CCDC7: variants seen among roughly 807,000 people sequenced by gnomAD.
The protein encoded by CCDC7 is coiled-coil domain containing 7.
A neutral mutation model predicts 196.9 loss-of-function variants in CCDC7; 183 were observed. That is an observed-to-expected ratio of 0.93 (90% CI 0.82 to 1.05). CCDC7 has a LOEUF of 1.05. CCDC7 is among the 50% of genes least tolerant of loss of function. CCDC7 has a pLI of 0.00. For missense variants in CCDC7, 1,540 were observed against 1,482.2 expected (o/e 1.04, Z -0.64); for synonymous variants, 525 against 484.6 (o/e 1.08, Z -1.10).
At chr10:32,819,335 C>T (rs1246246429) in intron 31 of CCDC7, among the ~76,000 whole-genome samples, 1 of 152,052 alleles carries the variant, frequency 6.6e-6, no homozygotes, top group Non-Finnish European at 1.5e-5. Context: ...AGCTTACCAA[C>T]CAAAAAAAGT....
At chr10:32,527,143 T>C (rs991788371) in intron 11 of CCDC7, among the ~76,000 whole-genome samples, 1 of 152,100 alleles carries the variant, frequency 6.6e-6, no homozygotes, top group African/African-American at 2.4e-5. Flanking sequence ...CCTCCATGTG[T>C]GGGTGCTGGC....
Position 32,752,298 on chromosome 10 carries a change from G to A in CCDC7, c.2905+22841G>A, listed in dbSNP as rs991025953. Among the ~76,000 whole-genome samples the A allele has an allele frequency of 5.9e-5, 9 of 152,140 alleles. No individual in the cohort carries two copies. In the South Asian group the frequency reaches 1.7e-3, roughly 28 times the overall value. On this transcript the variant is annotated intron_variant, in intron 28 of 41. Coordinates refer to ENST00000639629, the Ensembl canonical transcript of CCDC7. ...TCCTATGCACATTTACATGGGGGAT[G>A]GATAACTTTATACACTATCATCCTA... is the stretch of plus-strand genomic sequence containing the variant.
intron 30 of CCDC7, among the ~76,000 whole-genome samples, chr10:32,811,239 A>G (rs1048369149): frequency 5.3e-5 from 8 of 152,076 alleles, no homozygotes; most frequent in African/African-American, 1.9e-4. Context: ...AAAAAGATGA[A>G]ATTAATAAAC....
chr10:32,845,114 T>C (rs2093204413), intron 33 of CCDC7, 129 bp from the exon 35 acceptor site: 1 of 514,624 alleles, frequency 1.9e-6, no homozygotes, highest in Non-Finnish European at 3.4e-6. Context: ...ATGACAATAG[T>C]ACCAATATGT....
chr10:32,505,366 G>T (rs963288714), intron 9 of CCDC7, among the ~76,000 whole-genome samples: 1 of 152,004 alleles, frequency 6.6e-6, no homozygotes, highest in African/African-American at 2.4e-5. Flanking sequence ...CTTGAGATTA[G>T]GGAGTGGTGA....
At chr10:32,444,207 T>C (rs1356004299), upstream of CCDC7, among the ~76,000 whole-genome samples, 2 of 152,226 alleles carry the variant, frequency 1.3e-5, no homozygotes, top group Non-Finnish European at 2.9e-5. Context: ...TTGAAAATGA[T>C]GTTAGCTGGA....
chr10:32,770,194 T>C (rs1054103266), intron 28 of CCDC7, among the ~76,000 whole-genome samples: 3 of 152,176 alleles, frequency 2.0e-5, no homozygotes, highest in Non-Finnish European at 2.9e-5. Flanking sequence ...TCTAGATCCT[T>C]CAGGAGCAAC....
At chr10:32,567,680 A>C (rs1216778376) in exon 15 of CCDC7, 1 of 1,607,470 alleles carries the variant, frequency 6.2e-7, no homozygotes, top group Non-Finnish European at 8.5e-7. Flanking sequence ...GAAGCTGAAA[A>C]AGCTAAGCAT....
chr10:32,825,755 T>C (rs892751781), intron 32 of CCDC7, among the ~76,000 whole-genome samples: 1 of 152,068 alleles, frequency 6.6e-6, no homozygotes, highest in Non-Finnish European at 1.5e-5. Context: ...AGAGCTGAAA[T>C]TGTGGAAAAA....
At chr10:32,581,597 G>C in intron 16 of CCDC7, among the ~76,000 whole-genome samples, 1 of 152,140 alleles carries the variant, frequency 6.6e-6, no homozygotes, top group Non-Finnish European at 1.5e-5. Flanking sequence ...CTCAGTGGAA[G>C]TATCATGGTT....
At chr10:32,499,618 T>C (rs2043556850) in intron 9 of CCDC7, among the ~76,000 whole-genome samples, 1 of 150,748 alleles carries the variant, frequency 6.6e-6, no homozygotes, top group Non-Finnish European at 1.5e-5. Flanking sequence ...TTTTTTTTAG[T>C]GTTTATTGAT....
intron 30 of CCDC7, among the ~76,000 whole-genome samples, chr10:32,810,449 T>C (rs1333744283): frequency 6.6e-6 from 1 of 151,948 alleles, no homozygotes; most frequent in Non-Finnish European, 1.5e-5. Context: ...GATAAAAGGA[T>C]CAATTCAGAA....
chr10:32,841,421 A>C (rs982765915), intron 33 of CCDC7, among the ~76,000 whole-genome samples: 3 of 151,964 alleles, frequency 2.0e-5, no homozygotes, highest in Non-Finnish European at 4.4e-5. Context: ...ACAAACAAAC[A>C]AAAAACAAAA....
chr10:32,544,470 T>A (rs564177424), intron 13 of CCDC7, 169 bp downstream of exon 14: 12 of 490,804 alleles, frequency 2.4e-5, no homozygotes, highest in Non-Finnish European at 4.0e-5. Context: ...AATGTCTTTC[T>A]TGTTGATGGA....
At chr10:32,690,994 G>C (rs1047845709) in intron 23 of CCDC7, among the ~76,000 whole-genome samples, 1 of 152,212 alleles carries the variant, frequency 6.6e-6, no homozygotes, top group Non-Finnish European at 1.5e-5. Flanking sequence ...TGGTGTCAGA[G>C]GTTGTGGGGA....
Position 32,508,704 on chromosome 10 carries a change from C to T in CCDC7, c.873-9241C>T, listed in dbSNP as rs1432760833. Among the ~76,000 whole-genome samples, 9 of 152,042 alleles carry T rather than the reference C, an allele frequency of 5.9e-5. No homozygotes were observed. The East Asian group carries it at 1.7e-3, about 29-fold the overall frequency. Reference sequence around the variant, plus strand: ...ATGGCACCATCTCAGCTCACTGCAACCTCCTTCTCCCAGGTTCAAGCAATC... The same window carrying T: ...ATGGCACCATCTCAGCTCACTGCAATCTCCTTCTCCCAGGTTCAAGCAATC... On this transcript the variant is annotated intron_variant, in intron 9 of 41. Coordinates refer to ENST00000639629, the Ensembl canonical transcript of CCDC7.
chr10:32,565,656 A>G (rs368242828), intron 14 of CCDC7, 36 bp downstream of exon 15: 79 of 1,584,574 alleles, frequency 5.0e-5, no homozygotes, highest in Non-Finnish European at 6.7e-5. Flanking sequence ...ATTGTTAACA[A>G]GTAAAGAAAA....
At chr10:32,491,329 T>C (rs1212745931) in intron 8 of CCDC7, among the ~76,000 whole-genome samples, 1 of 152,236 alleles carries the variant, frequency 6.6e-6, no homozygotes, top group African/African-American at 2.4e-5. Context: ...ATACTTTTTA[T>C]GTCACAAGAT....
intron 5 of CCDC7, among the ~76,000 whole-genome samples, chr10:32,467,314 G>A (rs1001309259): frequency 6.7e-6 from 1 of 149,236 alleles, no homozygotes; most frequent in Non-Finnish European, 1.5e-5. Flanking sequence ...GTTTCACCAT[G>A]TTGTCCAGGC....
Sources: allele counts gnomAD v4.1 joint callset (sites outside exome capture counted in the v4.1 genomes callset), GRCh38; gene constraint gnomAD v4.1.1; transcripts MANE v1.5; gene names NCBI Gene and HGNC (gene_info 2026-07-23, HGNC 2026-07-21).